The following CCDC50 variants were observed in gnomAD, a reference collection of about 807,000 sequenced individuals.
CCDC50 encodes coiled-coil domain containing 50, also known as coiled-coil domain-containing protein 50.
CCDC50 carries 54 observed loss-of-function variants against 70.2 expected under a neutral mutation model. The observed-to-expected ratio is 0.77, with a 90% CI of 0.62 to 0.96. The LOEUF is 0.96. Ranked by LOEUF, CCDC50 falls within the 50% of genes least tolerant of loss-of-function variation. CCDC50 has a pLI of 0.00. For missense variants in CCDC50, 558 were observed against 578.7 expected (o/e 0.96, Z 0.37); for synonymous variants, 216 against 198.8 (o/e 1.09, Z -0.73).
intron 4 of CCDC50, among the ~76,000 whole-genome samples, chr3:191,365,088 A>ATGTGTGTG (rs111869044): frequency 0.069 from 10,518 of 151,546 alleles, 409 homozygotes; most frequent in Non-Finnish European, 0.074. Context: ...GCATGACTAG[A>ATGTGTGTG]TGTGTGTGTG....
chr3:191,367,920 C>T (rs1712753678), intron 4 of CCDC50, among the ~76,000 whole-genome samples: 1 of 152,020 alleles, frequency 6.6e-6, no homozygotes, highest in African/African-American at 2.4e-5. Flanking sequence ...AATAGGCTAT[C>T]TGTCCCGTTC....
At chr3:191,345,569 CTA>C (rs1441960687) in intron 1 of CCDC50, among the ~76,000 whole-genome samples, 1 of 152,122 alleles carries the variant, frequency 6.6e-6, no homozygotes, top group Non-Finnish European at 1.5e-5. Flanking sequence ...TGTAGATGGT[CTA>C]TGATATTAAA....
rs538290154 is a variant in CCDC50 at position 191,396,015 on chromosome 3, CTT to C, written c.*4258_*4259del. The C allele has an allele frequency of 9.1e-4, 139 of 152,252 alleles. 1 individual carries two copies. Among genetic ancestry groups the C allele is most frequent in the African/African-American group, 3.2e-3 (131 of 41,550 alleles). 9.4% of individuals were successfully genotyped at this position (152,252 alleles called of 1,614,324 possible). Reference sequence around the variant, plus strand: ...TTTCAAATTATTGGTGGAAGAATCTCTTTTATCCATGGCGAGAGGTAAGAATA... The same window carrying C: ...TTTCAAATTATTGGTGGAAGAATCTCTTATCCATGGCGAGAGGTAAGAATA... On this transcript the variant is annotated 3_prime_UTR_variant, in exon 12 of 12. Coordinates refer to ENST00000392455, the MANE Select transcript of CCDC50 (RefSeq NM_178335.3).
chr3:191,365,434 TC>T (rs1712650690), intron 4 of CCDC50, among the ~76,000 whole-genome samples: 1 of 152,148 alleles, frequency 6.6e-6, no homozygotes, highest in Non-Finnish European at 1.5e-5. Flanking sequence ...TTAAAAATTT[TC>T]CTGTGTTTTA....
chr3:191,379,679 C>T (rs1222345836), intron 6 of CCDC50, among the ~76,000 whole-genome samples: 1 of 152,138 alleles, frequency 6.6e-6, no homozygotes, highest in Admixed American at 6.6e-5. Context: ...ACATGACTGC[C>T]AGGTGCTGCT....
intron 11 of CCDC50, among the ~76,000 whole-genome samples, chr3:191,389,853 CTTTTT>C (rs10635756): frequency 0.33 from 27,764 of 83,270 alleles, 1,948 homozygotes; most frequent in Non-Finnish European, 0.39. Flanking sequence ...ATCAAATTCA[CTTTTT>C]TTTTTTTTTT....
intron 6 of CCDC50, among the ~76,000 whole-genome samples, chr3:191,379,071 A>C (rs1713216963): frequency 6.6e-6 from 1 of 152,112 alleles, no homozygotes; most frequent in Admixed American, 6.6e-5. Context: ...AAGTGTGGTG[A>C]GGGATTTTGA....
In CCDC50 at chr3:191,366,155, G is replaced by A. The variant is rs189063859; in HGVS notation, c.331-3764G>A. On this transcript the variant is annotated intron_variant, in intron 4 of 11. Transcript: ENST00000392455. ...GCCATGTTTTCATTTCTTACATTAT[G>A]CTAATTGTTTTACTAAAAGCAAGAT... 2.8e-3 allele frequency among the ~76,000 whole-genome samples: 430 copies of A among 152,104 alleles called. 1 individual carries two copies. The highest frequency in any genetic ancestry group is 9.8e-3 in the African/African-American group (406 of 41,496).
Position 191,361,326 on chromosome 3 carries a change from G to T in CCDC50, c.330+167G>T, listed in dbSNP as rs575502450. On this transcript the variant is annotated intron_variant, in intron 4 of 11. Coordinates refer to ENST00000392455, the MANE Select transcript of CCDC50 (RefSeq NM_178335.3). ...TGTGGACCATGATTTATAGCCTCTT[G>T]ATTATGTAAATGGTAAAAGTCTTGA... Among the ~76,000 whole-genome samples the T allele has an allele frequency of 3.9e-5, 6 of 152,198 alleles. No individual in the cohort carries two copies. The South Asian group carries it at 1.2e-3, about 32-fold the overall frequency.
In CCDC50 at chr3:191,337,528, AG is replaced by A. The variant is rs1186260886; in HGVS notation, c.49+7806del. On this transcript the variant is annotated intron_variant, in intron 1 of 11. Transcript: ENST00000392455. Reference sequence around the variant, plus strand: ...CCCAGCTAATTTTTGTATTTTTAGTAGAGACAGGGTTTCACTGTGTTGGCCC... The same window carrying A: ...CCCAGCTAATTTTTGTATTTTTAGTAAGACAGGGTTTCACTGTGTTGGCCC... Among the ~76,000 whole-genome samples the A allele has an allele frequency of 7.2e-5, 11 of 152,082 alleles. No homozygotes were observed. The East Asian group carries it at 2.1e-3, about 29-fold the overall frequency.
Position 191,375,560 on chromosome 3 carries a change from G to T in CCDC50, c.947G>T (p.Ser316Ile). 2.5e-6 allele frequency: 4 copies of T among 1,613,318 alleles called. No individual in the cohort carries two copies. The highest frequency in any genetic ancestry group is 3.4e-6 in the Non-Finnish European group (4 of 1,179,684). ...HRPRTPPFSESEEQLHLHDAG... is the reference protein window; with the variant it reads ...HRPRTPPFSEIEEQLHLHDAG... ...CCCAGGACTCCTCCATTCTCAGAGA[G>T]TGAGGAGCAGCTCCACCTCCATGAC... The change falls in exon 6 of 12, where the codon AGT becomes ATT. Residue 316 changes from serine to isoleucine, a missense_variant. Transcript: ENST00000392455.
chr3:191,371,390 C>G (rs994144494), intron 5 of CCDC50, among the ~76,000 whole-genome samples: 2 of 152,246 alleles, frequency 1.3e-5, no homozygotes, highest in East Asian at 3.9e-4. Flanking sequence ...CCTGTAGTTT[C>G]AAGTGTCAGT....
chr3:191,344,526 C>T (rs995069233), intron 1 of CCDC50, among the ~76,000 whole-genome samples: 3 of 152,110 alleles, frequency 2.0e-5, no homozygotes, highest in Non-Finnish European at 4.4e-5. Flanking sequence ...GATGTTGGAT[C>T]GATAGAACAT....
Position 191,382,805 on chromosome 3 carries a change from T to A in CCDC50, c.1302T>A (p.Ser434=). 6.2e-7 allele frequency: 1 copy of A among 1,612,846 alleles called. No homozygotes were observed. The highest frequency in any genetic ancestry group is 2.2e-5 in the East Asian group (1 of 44,824). Residue 434 remains serine (S), a synonymous_variant, in exon 10 of 12, where the codon TCT becomes TCA. Coordinates refer to ENST00000392455, the MANE Select transcript of CCDC50 (RefSeq NM_178335.3). The stretch of plus-strand genomic sequence containing the variant: ...AAGAGAGTGATGAACCTCACCATTC[T>A]AAGAATGAAAGGCCAGCACGGTAAG... The part of the protein sequence containing the change: ...KSKESDEPHH[S]KNERPARPPP...
At chr3:191,363,539 C>T (rs547399409) in intron 4 of CCDC50, among the ~76,000 whole-genome samples, 2 of 152,284 alleles carry the variant, frequency 1.3e-5, no homozygotes, top group Admixed American at 1.3e-4. Flanking sequence ...ACTTGGGGCA[C>T]CTGGTACATG....
At chr3:191,362,907 G>A (rs938964151) in intron 4 of CCDC50, among the ~76,000 whole-genome samples, 12 of 152,162 alleles carry the variant, frequency 7.9e-5, no homozygotes, top group African/African-American at 9.7e-5. Flanking sequence ...CACAGGAGGC[G>A]CTTTCTTAGT....
At chr3:191,370,113 T>A in intron 5 of CCDC50, 77 bp downstream of exon 5, 1 of 1,024,252 alleles carries the variant, frequency 9.8e-7, no homozygotes. Flanking sequence ...GTTCATAAAG[T>A]GACCTTAGGG....
intron 4 of CCDC50, among the ~76,000 whole-genome samples, chr3:191,366,423 G>C (rs1319833318): frequency 6.6e-6 from 1 of 151,968 alleles, no homozygotes; most frequent in Non-Finnish European, 1.5e-5. Context: ...GAGATACAAT[G>C]GTAAACTCCC....
chr3:191,363,187 T>C (rs2108653138), intron 4 of CCDC50, among the ~76,000 whole-genome samples: 1 of 152,258 alleles, frequency 6.6e-6, no homozygotes, highest in East Asian at 1.9e-4. Flanking sequence ...CTCATGGTAA[T>C]ACTATATAAA....
Sources: gnomAD v4.1 joint callset for allele counts (sites outside exome capture counted in the v4.1 genomes callset) on GRCh38, gnomAD v4.1.1 for gene constraint, MANE v1.5 for transcripts, NCBI Gene and HGNC (gene_info 2026-07-23, HGNC 2026-07-21) for gene names.